Variants in FCGRT observed in about 807,000 individuals in gnomAD.
FCGRT encodes the protein IgG receptor FcRn large subunit p51.
In FCGRT, 13 loss-of-function variants were observed where a neutral mutation model predicts 35.7. The ratio of observed to expected loss-of-function variants is 0.36; its 90% CI spans 0.24 to 0.58. FCGRT has a LOEUF of 0.58. Among genes scored for constraint, FCGRT ranks in the 20% least tolerant of loss-of-function variants. The pLI is 0.77. For synonymous variants in FCGRT, 233 were observed against 216.5 expected (o/e 1.08, Z -0.67); for missense variants, 455 against 474.9 (o/e 0.96, Z 0.39).
At position 49,526,317 on chromosome 19, in the gene FCGRT, A is replaced by T. The variant is rs1260357686; in HGVS notation, c.*198A>T. The stretch of plus-strand genomic sequence containing the variant: ...CTGTTTTCCACCTCGATAATATAAC[A>T]CGAGTTTGGGCCCGAATCAGTGTGT... On this transcript the variant is annotated 3_prime_UTR_variant, in exon 7 of 7. Coordinates refer to ENST00000221466, the MANE Select transcript of FCGRT (RefSeq NM_001136019.3). The T allele has an allele frequency of 3.5e-6, 2 of 569,860 alleles. No homozygotes were observed. The allele number at this position is 569,860 out of a possible 1,614,324, so 35.3% of individuals were successfully genotyped here. A position where few individuals can be genotyped will look rare whatever the true frequency, so the allele number is the denominator to read the frequency against.
chr19:49,525,507 T>G lies in FCGRT; in HGVS notation c.922T>G (p.Leu308Val), dbSNP rs2080069360. 2 of 1,613,820 alleles carry G rather than the reference T, an allele frequency of 1.2e-6. No individual in the cohort carries two copies. The highest frequency in any genetic ancestry group is 3.3e-5 in the Admixed American group (2 of 59,970). The change falls in exon 6 of 7, where the codon TTG becomes GTG. Residue 308 changes from leucine to valine, a missense_variant. Around this residue, in one of 3 missense-constraint regions of FCGRT, gnomAD observed 312 missense variants for 296.1 expected, o/e 1.05. Transcript: ENST00000221466. ...VLVVGIVIGV[L>V]LLTAAAVGGA... ...CGTGGTGGGAATCGTCATCGGTGTC[T>G]TGCTACTCACGGCAGCGGCTGTAGG...
At chr19:49,523,731 G>A (rs1413468640) in intron 4 of FCGRT, among the ~76,000 whole-genome samples, 1 of 151,048 alleles carries the variant, frequency 6.6e-6, no homozygotes, top group Non-Finnish European at 1.5e-5. Flanking sequence ...GTGGTGGTGG[G>A]CACCTATAGT....
intron 4 of FCGRT, among the ~76,000 whole-genome samples, chr19:49,518,885 C>G (rs765425233): frequency 1.9e-4 from 29 of 150,638 alleles, no homozygotes; most frequent in Admixed American, 1.1e-3. Context: ...CTCTGTCACC[C>G]AGGCTGGGGT....
chr19:49,524,916 GT>G, intron 5 of FCGRT, 140 bp downstream of exon 5: 1 of 868,754 alleles, frequency 1.2e-6, no homozygotes, highest in Middle Eastern at 2.1e-4. Context: ...ACGCCTGTCA[GT>G]GCCCCCAAAA....
Position 49,524,619 on chromosome 19 carries a change from T to C in FCGRT, c.714T>C (p.Asn238=). 1.2e-6 allele frequency: 2 copies of C among 1,610,748 alleles called. No homozygotes were observed. The highest frequency in any genetic ancestry group is 1.7e-6 in the Non-Finnish European group (2 of 1,180,006). Reference sequence around the variant, plus strand: ...AGCTGCAACTTCGGTTCCTGCGGAATGGGCTGGCCGCTGGCACCGGCCAGG... The same window carrying C: ...AGCTGCAACTTCGGTTCCTGCGGAACGGGCTGGCCGCTGGCACCGGCCAGG... The part of the protein sequence containing the change: ...PPELQLRFLR[N]GLAAGTGQGD... Residue 238 remains asparagine (N), a synonymous_variant, in exon 5 of 7, where the codon AAT becomes AAC. Transcript: ENST00000221466.
chr19:49,523,461 G>A lies in FCGRT; in HGVS notation c.602-1046G>A, dbSNP rs887306267. Among the ~76,000 whole-genome samples, 4 of 151,936 alleles carry A rather than the reference G, an allele frequency of 2.6e-5. No homozygotes were observed. The East Asian group carries it at 5.8e-4, about 22-fold the overall frequency. On this transcript the variant is annotated intron_variant, in intron 4 of 6. Coordinates refer to ENST00000221466, the MANE Select transcript of FCGRT (RefSeq NM_001136019.3). ...CATGCACCTGTAGTCCCAGCCACTCGGGAGGCTGTGGAAGAAGAAACTCTT... is the reference window on the plus strand; with the variant it reads ...CATGCACCTGTAGTCCCAGCCACTCAGGAGGCTGTGGAAGAAGAAACTCTT...
intron 4 of FCGRT, among the ~76,000 whole-genome samples, chr19:49,517,377 G>A (rs1446743968): frequency 6.6e-6 from 1 of 151,942 alleles, no homozygotes; most frequent in African/African-American, 2.4e-5. Context: ...TGTAATTCCA[G>A]CTATTCGGGA....
rs756120751 is a variant in FCGRT at position 49,514,011 on chromosome 19, C to T, written c.203C>T (p.Ala68Val). ...AGCTACAATAGCCTGCGGGGCGAGG[C>T]GGAGCCCTGTGGAGCTTGGGTCTGG... ...YLSYNSLRGEAEPCGAWVWEN... is the reference protein window; with the variant it reads ...YLSYNSLRGEVEPCGAWVWEN... The change falls in exon 3 of 7, where the codon GCG (alanine) becomes GTG (valine). Residue 68 changes from alanine (A) to valine (V), a missense_variant. Physicochemically the swap from Ala to Val is moderately conservative, Grantham distance 64. Coordinates refer to ENST00000221466, the MANE Select transcript of FCGRT (RefSeq NM_001136019.3). The T allele has an allele frequency of 5.6e-6, 9 of 1,613,130 alleles. No individual in the cohort carries two copies. In the South Asian group the frequency reaches 7.7e-5, roughly 14 times the overall value.
intron 4 of FCGRT, among the ~76,000 whole-genome samples, chr19:49,519,134 G>A (rs1311164315): frequency 3.3e-5 from 5 of 152,156 alleles, no homozygotes; most frequent in Non-Finnish European, 7.3e-5. Flanking sequence ...GAGCCACCGC[G>A]CCCGGCCGGA....
chr19:49,524,302 C>A (rs1354934335), intron 4 of FCGRT, among the ~76,000 whole-genome samples: 2 of 152,176 alleles, frequency 1.3e-5, no homozygotes, highest in Non-Finnish European at 2.9e-5. Context: ...CCAACATGCC[C>A]AGCCCAAGGA....
intron 4 of FCGRT, among the ~76,000 whole-genome samples, chr19:49,515,957 C>G (rs2080004976): frequency 6.6e-6 from 1 of 152,198 alleles, no homozygotes; most frequent in Non-Finnish European, 1.5e-5. Context: ...AGAAGCCTTT[C>G]CTCAGCTCTG....
rs201395293 is a variant in FCGRT, at chr19:49,526,109, C to T, written c.1088C>T (p.Ala363Val). The T allele has an allele frequency of 8.1e-6, 13 of 1,609,656 alleles. No homozygotes were observed. Among genetic ancestry groups the T allele is most frequent in the Admixed American group, 1.7e-5 (1 of 60,000 alleles). Residue 363 changes from alanine (A) to valine (V), a missense_variant, in exon 7 of 7, where the codon GCC becomes GTC. By Grantham distance (64) the Ala-to-Val change is moderately conservative. Around this residue, in one of 3 missense-constraint regions of FCGRT, gnomAD observed 312 missense variants for 296.1 expected, o/e 1.05. Transcript: ENST00000221466. ...TTGAAGGATGTAAATGTGATTCCAG[C>T]CACCGCCTGACCATCCGCCATTCCG... ...ADLKDVNVIP[A>V]TA
rs773834526 is a variant in FCGRT at position 49,514,342 on chromosome 19, G to T, written c.457G>T (p.Asp153Tyr). ...FDLKQGTWGGDWPEALAISQR... is the reference protein window; with the variant it reads ...FDLKQGTWGGYWPEALAISQR... ...CCTCAAGCAGGGCACCTGGGGTGGG[G>T]ACTGGCCCGAGGCCCTGGCTATCAG... is the stretch of plus-strand genomic sequence containing the variant. The change falls in exon 4 of 7, where the codon GAC becomes TAC. Residue 153 changes from aspartate (D) to tyrosine (Y), a missense_variant. This residue lies in a region of FCGRT where 312 missense variants were observed against 296.1 expected (regional missense o/e 1.05). Coordinates refer to ENST00000221466, the MANE Select transcript of FCGRT (RefSeq NM_001136019.3). The T allele has an allele frequency of 6.2e-7, 1 of 1,613,646 alleles. No homozygotes were observed. Among genetic ancestry groups the T allele is most frequent in the South Asian group, 1.1e-5 (1 of 90,962 alleles).
In FCGRT at chr19:49,526,012, C is replaced by T. The variant is rs766183044; in HGVS notation, c.991C>T (p.Pro331Ser). 3 of 1,601,350 alleles carry T rather than the reference C, an allele frequency of 1.9e-6. No individual in the cohort carries two copies. The highest frequency in any genetic ancestry group is 4.5e-5 in the East Asian group (2 of 44,816). Reference sequence around the variant, plus strand: ...TCTCCCTCTCTCTCTCTCCTCAGCCCCTTGGATCTCCCTTCGTGGAGACGA... The same window carrying T: ...TCTCCCTCTCTCTCTCTCCTCAGCCTCTTGGATCTCCCTTCGTGGAGACGA... ...WRRMRSGLPA[P>S]WISLRGDDTG... is the part of the protein sequence containing the mutation. The change falls in exon 7 of 7, where the codon CCT (proline) becomes TCT (serine). Residue 331 changes from proline (P) to serine (S), a missense_variant and splice_region_variant. Physicochemically the swap from Pro to Ser is moderately conservative, Grantham distance 74. Transcript: ENST00000221466.
intron 6 of FCGRT, 80 bp from the exon 7 acceptor site, chr19:49,525,930 C>T: frequency 2.3e-6 from 2 of 863,576 alleles, no homozygotes. Context: ...GTGTGAGACA[C>T]ACACACAAAT....
rs139316391 is a variant in FCGRT at position 49,513,714 on chromosome 19, G to GTCTCTCTCTCTC, written c.74-166_74-155dup. Reference sequence around the variant, plus strand: ...GTCCCCCTCTCTTTCTGGGTCTCTTGTCTCTCTCTCTCTGGGTCTCTGTCC... The same window carrying GTCTCTCTCTCTC: ...GTCCCCCTCTCTTTCTGGGTCTCTTGTCTCTCTCTCTCTCTCTCTCTCTCTGGGTCTCTGTCC... On this transcript the variant is annotated intron_variant, in intron 2 of 6. Coordinates refer to ENST00000221466, the MANE Select transcript of FCGRT (RefSeq NM_001136019.3). 226 of 532,210 alleles carry GTCTCTCTCTCTC rather than the reference G, an allele frequency of 4.2e-4. 1 individual carries two copies. The highest frequency in any genetic ancestry group is 2.9e-3 in the African/African-American group (107 of 36,342). 33.0% of individuals were successfully genotyped at this position (532,210 alleles called of 1,614,324 possible).
In FCGRT at chr19:49,524,758, C is replaced by G; in HGVS notation, c.853C>G (p.Pro285Ala). 2 of 1,600,654 alleles carry G rather than the reference C, an allele frequency of 1.2e-6. No individual in the cohort carries two copies. Among genetic ancestry groups the G allele is most frequent in the Non-Finnish European group, 1.7e-6 (2 of 1,179,734 alleles). Residue 285 changes from proline (P) to alanine (A), a missense_variant, in exon 5 of 7, where the codon CCC becomes GCC. Transcript: ENST00000221466. ...TGTGCAGCACGCGGGGCTGGCGCAG[C>G]CCCTCAGGGTGGAGCTGGGTGAGGT... is the stretch of plus-strand genomic sequence containing the variant. ...CIVQHAGLAQ[P>A]LRVELESPAK...
chr19:49,523,877 TTAAA>T (rs1418976531), intron 4 of FCGRT, among the ~76,000 whole-genome samples: 7 of 151,386 alleles, frequency 4.6e-5, no homozygotes, highest in Admixed American at 2.0e-4. Context: ...AAAAAAAAAT[TTAAA>T]TAGTTATAGG....
chr19:49,524,592 G>A lies in FCGRT; in HGVS notation c.687G>A (p.Pro229=), dbSNP rs1396920127. The part of the protein sequence containing the change: ...LTCSAFSFYP[P]ELQLRFLRNG... ...GCAGCGCCTTCTCCTTCTACCCTCCGGAGCTGCAACTTCGGTTCCTGCGGA... is the reference window on the plus strand; with the variant it reads ...GCAGCGCCTTCTCCTTCTACCCTCCAGAGCTGCAACTTCGGTTCCTGCGGA... Residue 229 remains proline (P), a synonymous_variant, in exon 5 of 7, where the codon CCG becomes CCA. Transcript: ENST00000221466. The A allele has an allele frequency of 1.2e-6, 2 of 1,612,492 alleles. No homozygotes were observed. Among genetic ancestry groups the A allele is most frequent in the Admixed American group, 1.7e-5 (1 of 60,008 alleles).
Sources: allele counts gnomAD v4.1 joint callset (sites outside exome capture counted in the v4.1 genomes callset), GRCh38; gene constraint gnomAD v4.1.1; regional missense constraint gnomAD v4.1.1; transcripts MANE v1.5; gene names NCBI Gene and HGNC (gene_info 2026-07-23, HGNC 2026-07-21).